MAP6: variants seen among roughly 807,000 people sequenced by gnomAD.
MAP6 encodes the protein microtubule associated protein 6.
In MAP6, 26 loss-of-function variants were observed where a neutral mutation model predicts 42.4. The ratio of observed to expected loss-of-function variants is 0.61; its 90% confidence interval spans 0.45 to 0.85. MAP6 has a LOEUF of 0.85. MAP6 is among the 40% of genes least tolerant of loss of function. The probability of loss-of-function intolerance (pLI) is 0.00; values close to 1 mark genes in which losing one functional copy is unlikely to be tolerated. For synonymous variants in MAP6, 418 were observed against 443.8 expected (o/e 0.94, Z 0.73); for missense variants, 966 against 1,099.0 (o/e 0.88, Z 1.71).
At chr11:75,663,891 A>AT (rs1214313038) in intron 1 of MAP6, among the ~76,000 whole-genome samples, 1 of 152,044 alleles carries the variant, frequency 6.6e-6, no homozygotes, top group Non-Finnish European at 1.5e-5. Flanking sequence ...TACTGCTCTT[A>AT]TTTTTCAAGT....
intron 1 of MAP6, among the ~76,000 whole-genome samples, chr11:75,615,434 T>G (rs1330117920): frequency 6.6e-6 from 1 of 152,236 alleles, no homozygotes; most frequent in Non-Finnish European, 1.5e-5. Flanking sequence ...AATAAATGTA[T>G]TTGACTTTCA....
At chr11:75,604,734 T>A (rs1942726693) in intron 3 of MAP6, 2 of 985,250 alleles carry the variant, frequency 2.0e-6, no homozygotes, top group African/African-American at 3.5e-5. Flanking sequence ...CTTTTATATA[T>A]TAATGAGGTC....
At chr11:75,632,091 G>A (rs1201470996) in intron 1 of MAP6, among the ~76,000 whole-genome samples, 2 of 152,170 alleles carry the variant, frequency 1.3e-5, no homozygotes, top group East Asian at 3.8e-4. Flanking sequence ...GGATTCAAAT[G>A]ATTAGCTCTG....
chr11:75,598,426 T>C (rs1406564250), intron 3 of MAP6, among the ~76,000 whole-genome samples: 1 of 152,162 alleles, frequency 6.6e-6, no homozygotes, highest in Middle Eastern at 3.2e-3. Context: ...TAGATTACCC[T>C]GTAACCAAGG....
Position 75,587,379 on chromosome 11 carries a change from C to T in MAP6, c.2122G>A (p.Val708Met), listed in dbSNP as rs760856423. 66 of 1,614,014 alleles carry T rather than the reference C, an allele frequency of 4.1e-5. No homozygotes were observed. The highest frequency in any genetic ancestry group is 3.9e-5 in the Non-Finnish European group (46 of 1,180,032). ...TGATTCTTCACGGACTCGGGGACCA[C>T]AGGACCTTGATTCTTTACAGGTGCC... ...VVAPVKNQGP[V>M]VPESVKNQDP... Residue 708 changes from valine to methionine, a missense_variant, in exon 4 of 4, where the codon GTG becomes ATG. Transcript: ENST00000304771.
intron 2 of MAP6, 25 bp from the exon 3 acceptor site, chr11:75,606,029 T>C (rs776639726): frequency 6.2e-7 from 1 of 1,608,462 alleles, no homozygotes; most frequent in South Asian, 1.1e-5. Flanking sequence ...AGACCGCAAA[T>C]ACAGAAACAC....
intron 1 of MAP6, among the ~76,000 whole-genome samples, chr11:75,657,977 T>A (rs1396724686): frequency 6.6e-6 from 1 of 152,234 alleles, no homozygotes; most frequent in African/African-American, 2.4e-5. Context: ...ATTCCTAGAA[T>A]TAGGATTTGG....
chr11:75,653,473 G>A (rs994801039), intron 1 of MAP6, among the ~76,000 whole-genome samples: 1 of 152,202 alleles, frequency 6.6e-6, no homozygotes, highest in African/African-American at 2.4e-5. Flanking sequence ...TCTCTGACCT[G>A]TGGCACTTAG....
At position 75,668,163 on chromosome 11, in the gene MAP6, C is replaced by G; in HGVS notation, c.207G>C (p.Thr69=). Residue 69 remains threonine, a synonymous_variant, in exon 1 of 4, where the codon ACG becomes ACC. Coordinates refer to ENST00000304771, the MANE Select transcript of MAP6 (RefSeq NM_033063.2). ...PPSARAVAIE[T]QPAQGELDAV... ...CATCCAACTCGCCCTGGGCTGGCTGCGTCTCTATGGCAACCGCGCGCGCCG... is the reference window on the plus strand; with the variant it reads ...CATCCAACTCGCCCTGGGCTGGCTGGGTCTCTATGGCAACCGCGCGCGCCG... The G allele has an allele frequency of 5.7e-6, 7 of 1,226,774 alleles. No individual in the cohort carries two copies. Among genetic ancestry groups the G allele is most frequent in the Non-Finnish European group, 7.1e-6 (7 of 990,418 alleles). The allele number at this position is 1,226,774 out of a possible 1,614,324, so 76.0% of individuals were successfully genotyped here.
Position 75,603,925 on chromosome 11 carries a change from A to G in MAP6, c.1316+1883T>C, listed in dbSNP as rs969635890. On this transcript the variant is annotated intron_variant, in intron 3 of 3. Coordinates refer to ENST00000304771, the MANE Select transcript of MAP6 (RefSeq NM_033063.2). ...CCAAATCTTGAGAGACTGAACATACATTGGCAAATCCTCTGGATACAATTA... is the reference window on the plus strand; with the variant it reads ...CCAAATCTTGAGAGACTGAACATACGTTGGCAAATCCTCTGGATACAATTA... 7 of 985,504 alleles carry G rather than the reference A, an allele frequency of 7.1e-6. No individual in the cohort carries two copies. In the African/African-American group the frequency reaches 1.2e-4, roughly 17 times the overall value. The allele number at this position is 985,504 out of a possible 1,614,324, so 61.0% of individuals were successfully genotyped here. A position where few individuals can be genotyped will look rare whatever the true frequency, so the allele number is the denominator to read the frequency against.
At chr11:75,615,899 C>T (rs529033417) in intron 1 of MAP6, among the ~76,000 whole-genome samples, 11 of 141,052 alleles carry the variant, frequency 7.8e-5, no homozygotes, top group African/African-American at 2.9e-4. Flanking sequence ...GACAGCCTGT[C>T]ACTGATGAGG....
At chr11:75,601,153 C>T (rs1942657783) in intron 3 of MAP6, among the ~76,000 whole-genome samples, 1 of 152,198 alleles carries the variant, frequency 6.6e-6, no homozygotes, top group African/African-American at 2.4e-5. Flanking sequence ...CCTGCCTTCT[C>T]CATTGCCCAA....
At chr11:75,646,428 G>A (rs1590799980) in intron 1 of MAP6, among the ~76,000 whole-genome samples, 1 of 150,318 alleles carries the variant, frequency 6.7e-6, no homozygotes, top group Non-Finnish European at 1.5e-5. Flanking sequence ...TTGGGAGGCC[G>A]AGGCAGGCGG....
chr11:75,666,169 C>A (rs1943942388), intron 1 of MAP6, among the ~76,000 whole-genome samples: 1 of 152,128 alleles, frequency 6.6e-6, no homozygotes, highest in Non-Finnish European at 1.5e-5. Context: ...ATTTTGAACA[C>A]CTCTAGCTCA....
chr11:75,605,071 G>C (rs1942735940), intron 3 of MAP6: 1 of 985,442 alleles, frequency 1.0e-6, no homozygotes, highest in South Asian at 4.7e-5. Flanking sequence ...CCTCATTTCT[G>C]TGATCTTCCT....
chr11:75,662,190 GGAAAA>G (rs1943862666), intron 1 of MAP6, among the ~76,000 whole-genome samples: 1 of 151,948 alleles, frequency 6.6e-6, no homozygotes, highest in African/African-American at 2.4e-5. Flanking sequence ...AAGTTAGTGG[GGAAAA>G]GCAAAGCTTT....
At chr11:75,634,640 A>C (rs1943340336) in intron 1 of MAP6, among the ~76,000 whole-genome samples, 1 of 152,240 alleles carries the variant, frequency 6.6e-6, no homozygotes. Context: ...AAGGATGGCA[A>C]AAGCAAATCC....
chr11:75,624,121 G>A (rs1433717471), intron 1 of MAP6, among the ~76,000 whole-genome samples: 4 of 152,064 alleles, frequency 2.6e-5, no homozygotes, highest in Admixed American at 6.6e-5. Flanking sequence ...TTTTACTTTC[G>A]GCAAGCTTTT....
rs993566644 is a variant in MAP6 at position 75,668,099 on chromosome 11, C to G, written c.271G>C (p.Gly91Arg). 5 of 1,210,582 alleles carry G rather than the reference C, an allele frequency of 4.1e-6. No individual in the cohort carries two copies. Among genetic ancestry groups the G allele is most frequent in the African/African-American group, 1.6e-5 (1 of 62,736 alleles). The allele number at this position is 1,210,582 out of a possible 1,614,324, so 75.0% of individuals were successfully genotyped here. The change falls in exon 1 of 4, where the codon GGC becomes CGC. Residue 91 changes from glycine to arginine, a missense_variant. Physicochemically the swap from Gly to Arg is moderately radical, Grantham distance 125 (BLOSUM62 -2). Around this residue, in one of 2 missense-constraint regions of MAP6, gnomAD observed 943 missense variants for 1,049.9 expected, o/e 0.90. Transcript: ENST00000304771. ...GGGCCCGCCGCCGGCTCGCGCTCGC[C>G]GGTAGGCCCAGGCGCTGGCCCCGTT... ...RATGPAPGPT[G>R]EREPAAGPGR... is the part of the protein sequence containing the mutation.
Sources: allele counts gnomAD v4.1 joint callset (sites outside exome capture counted in the v4.1 genomes callset), GRCh38; gene constraint gnomAD v4.1.1; regional missense constraint gnomAD v4.1.1; transcripts MANE v1.5; gene names NCBI Gene and HGNC (gene_info 2026-07-23, HGNC 2026-07-21).